Variants in COL4A3 observed in about 807,000 individuals in gnomAD.
COL4A3 encodes collagen type IV alpha 3 chain, also known as collagen alpha-3(IV) chain.
Under a neutral mutation model 217.4 loss-of-function variants are expected in COL4A3, and 135 were observed. The ratio of observed to expected loss-of-function variants is 0.62; its 90% CI spans 0.54 to 0.72. COL4A3 has a LOEUF of 0.72. Among genes scored for constraint, COL4A3 ranks in the 30% least tolerant of loss-of-function variants. The probability of loss-of-function intolerance (pLI) is 0.00; values close to 1 mark genes in which losing one functional copy is unlikely to be tolerated. For missense variants in COL4A3, 1,868 were observed against 2,119.9 expected, an observed-to-expected ratio of 0.88 and a Z score of 2.33; for synonymous variants, 690 against 736.3, an observed-to-expected ratio of 0.94 and a Z score of 1.02.
chr2:227,237,915 G>T, intron 1 of COL4A3, 53 bp from the exon 2 acceptor site: 2 of 1,333,680 alleles, frequency 1.5e-6, no homozygotes, highest in Non-Finnish European at 2.2e-6. Flanking sequence ...CCTGCCGGTT[G>T]GGATTTATTC....
Position 227,298,718 on chromosome 2 carries a change from T to C in COL4A3, c.3788T>C (p.Val1263Ala). 1.9e-6 allele frequency: 3 copies of C among 1,613,996 alleles called. No individual in the cohort carries two copies. In the Admixed American group the frequency reaches 5.0e-5, roughly 27 times the overall value. ...PGPPGPPGSH[V>A]IGIKGDKGSM... ...CCCCCTGGACCTCCAGGGAGTCATG[T>C]AATAGGCATAAAAGGAGACAAAGGG... is the stretch of plus-strand genomic sequence containing the variant. Residue 1263 changes from valine to alanine, a missense_variant, in exon 43 of 52, where the codon GTA becomes GCA. Physicochemically the swap from Val to Ala is moderately conservative, Grantham distance 64 (BLOSUM62 0). Coordinates refer to ENST00000396578, the MANE Select transcript of COL4A3 (RefSeq NM_000091.5).
At chr2:227,260,108 T>C in intron 19 of COL4A3, 1 of 688,216 alleles carries the variant, frequency 1.5e-6, no homozygotes, top group Non-Finnish European at 2.7e-6. Context: ...AACATAAAGT[T>C]CAAATCTGTC....
chr2:227,291,650 T>A (rs2072750890), intron 37 of COL4A3, among the ~76,000 whole-genome samples: 1 of 151,756 alleles, frequency 6.6e-6, no homozygotes, highest in Non-Finnish European at 1.5e-5. Flanking sequence ...TAAAATAACT[T>A]TACAGCATCA....
intron 38 of COL4A3, 194 bp from the exon 39 acceptor site, chr2:227,294,296 T>TTAGA (rs1185320366): frequency 1.6e-6 from 1 of 615,084 alleles, no homozygotes; most frequent in Non-Finnish European, 2.9e-6. Context: ...TTGAAAGTGA[T>TTAGA]TAGACACATC....
rs1464315753 is a variant in COL4A3 at position 227,193,753 on chromosome 2, GA to G, written c.87+28942del. Among the ~76,000 whole-genome samples, 6 of 9,856 alleles carry G rather than the reference GA, an allele frequency of 6.1e-4. 1 individual carries two copies. The highest frequency in any genetic ancestry group is 5.5e-4 in the Non-Finnish European group (2 of 3,640). 6.5% of individuals were successfully genotyped at this position (9,856 alleles called of 152,430 possible). A position where few individuals can be genotyped will look rare whatever the true frequency, so the allele number is the denominator to read the frequency against. Reference sequence around the variant, plus strand: ...GGAAGGAGGGAGGGAGGGAGGGAAGGAAGGAAGGAAGGAAGGAAGGAAGGAA... The same window carrying G: ...GGAAGGAGGGAGGGAGGGAGGGAAGGAGGAAGGAAGGAAGGAAGGAAGGAA... On this transcript the variant is annotated intron_variant, in intron 1 of 51. Coordinates refer to ENST00000396578, the MANE Select transcript of COL4A3 (RefSeq NM_000091.5).
At chr2:227,281,053 G>A (rs1426531179) in intron 31 of COL4A3, 47 bp downstream of exon 31, 6 of 1,142,730 alleles carry the variant, frequency 5.3e-6, no homozygotes, top group South Asian at 3.9e-5. Context: ...CAGGAGACAT[G>A]AGACTCCTGC....
intron 1 of COL4A3, among the ~76,000 whole-genome samples, chr2:227,186,238 A>G (rs1284858289): frequency 6.6e-6 from 1 of 152,234 alleles, no homozygotes; most frequent in Non-Finnish European, 1.5e-5. Context: ...GTTGAATAAG[A>G]TAACGCGCAT....
Position 227,289,159 on chromosome 2 carries a change from G to A in COL4A3, c.2891G>A (p.Gly964Glu). The change falls in exon 35 of 52, where the codon GGA becomes GAA. Residue 964 changes from glycine to glutamate, a missense_variant. Physicochemically the swap from Gly to Glu is moderately conservative, Grantham distance 98. Around this residue, in one of 2 missense-constraint regions of COL4A3, gnomAD observed 1,503 missense variants for 1,786.1 expected, o/e 0.84. Transcript: ENST00000396578. ...KGEPGLKGFA[G>E]NPGEKGNRGV... ...TGGTTTCTAACTTCAGGATTCGCAG[G>A]AAATCCAGGTGAGAAAGGAAACAGA... is the stretch of plus-strand genomic sequence containing the variant. 1 of 1,613,198 alleles carries A rather than the reference G, an allele frequency of 6.2e-7. No homozygotes were observed. Among genetic ancestry groups the A allele is most frequent in the Non-Finnish European group, 8.5e-7 (1 of 1,179,572 alleles).
At chr2:227,247,163 C>G (rs6737064) in intron 7 of COL4A3, among the ~76,000 whole-genome samples, 118,630 of 152,128 alleles carry the variant, frequency 0.78, 46,903 homozygotes, top group East Asian at 0.91. Flanking sequence ...GCCCAGGAAA[C>G]ACCTATTGTA....
rs1378249694 is a variant in COL4A3 at position 227,277,492 on chromosome 2, A to G, written c.2064A>G (p.Pro688=). 7 of 1,612,930 alleles carry G rather than the reference A, an allele frequency of 4.3e-6. No homozygotes were observed. Among genetic ancestry groups the G allele is most frequent in the Non-Finnish European group, 5.1e-6 (6 of 1,179,718 alleles). The change falls in exon 28 of 52, where the codon CCA becomes CCG. Residue 688 remains proline, a synonymous_variant. Coordinates refer to ENST00000396578, the MANE Select transcript of COL4A3 (RefSeq NM_000091.5). Reference sequence around the variant, plus strand: ...GGAAATGTGGAGATCCTGGTCTTCCAGGGCCTGATGGTGAACCAGGAATTC... The same window carrying G: ...GGAAATGTGGAGATCCTGGTCTTCCGGGGCCTGATGGTGAACCAGGAATTC... ...SLGKCGDPGL[P]GPDGEPGIPG...
chr2:227,312,215 CA>C lies in COL4A3; in HGVS notation c.*346del. ...TGAAATATTTGGCCCGCTGGATTCC[CA>C]CATTTGTCTTCTTTCTGTCTTTAAG... is the stretch of plus-strand genomic sequence containing the variant. On this transcript the variant is annotated 3_prime_UTR_variant, in exon 52 of 52. Transcript: ENST00000396578. 1 of 288,576 alleles carries C rather than the reference CA, an allele frequency of 3.5e-6. No individual in the cohort carries two copies. The highest frequency in any genetic ancestry group is 3.3e-5 in the South Asian group (1 of 29,860). The allele number at this position is 288,576 out of a possible 1,614,324, so 17.9% of individuals were successfully genotyped here. A position where few individuals can be genotyped will look rare whatever the true frequency, so the allele number is the denominator to read the frequency against.
rs539765620 is a variant in COL4A3, at chr2:227,259,859, G to A, written c.1096G>A (p.Gly366Arg). Reference protein sequence around the residue: ...EGTPGPPGPRGARGPQGPSGP... With the variant: ...EGTPGPPGPRRARGPQGPSGP... Reference sequence around the variant, plus strand: ...CACTCCAGGCCCACCAGGGCCCAGAGGAGCTCGTGGCCCACAAGGTAAGAA... The same window carrying A: ...CACTCCAGGCCCACCAGGGCCCAGAAGAGCTCGTGGCCCACAAGGTAAGAA... The change falls in exon 19 of 52, where the codon GGA (glycine) becomes AGA (arginine). Residue 366 changes from glycine to arginine, a missense_variant. Gly to Arg is a moderately radical substitution (Grantham distance 125). Transcript: ENST00000396578. 21 of 1,613,312 alleles carry A rather than the reference G, an allele frequency of 1.3e-5. No individual in the cohort carries two copies. In the Admixed American group the frequency reaches 2.3e-4, roughly 18 times the overall value.
chr2:227,260,485 G>A (rs2070486463), intron 19 of COL4A3, among the ~76,000 whole-genome samples: 1 of 152,076 alleles, frequency 6.6e-6, no homozygotes, highest in Admixed American at 6.5e-5. Flanking sequence ...AAAACTCCCT[G>A]GACTAGTCCA....
chr2:227,300,788 G>C (rs1277221755), intron 43 of COL4A3, among the ~76,000 whole-genome samples: 1 of 152,206 alleles, frequency 6.6e-6, no homozygotes, highest in Non-Finnish European at 1.5e-5. Context: ...AATCCAGACT[G>C]TAGAGGGAAG....
Position 227,297,524 on chromosome 2 carries a change from C to A in COL4A3, c.3566-150C>A, listed in dbSNP as rs1002558515. ...TTTTGTAGCTCTATATTGCATTTAC[C>A]AGCAATATATTATAAAATATATATT... On this transcript the variant is annotated intron_variant, in intron 41 of 51. Transcript: ENST00000396578. 32 of 712,232 alleles carry A rather than the reference C, an allele frequency of 4.5e-5. No homozygotes were observed. In the East Asian group the frequency reaches 5.5e-4, roughly 12 times the overall value. 44.1% of individuals were successfully genotyped at this position (712,232 alleles called of 1,614,324 possible).
chr2:227,306,567 G>C (rs777729210), intron 47 of COL4A3, among the ~76,000 whole-genome samples: 39 of 152,118 alleles, frequency 2.6e-4, no homozygotes, highest in Non-Finnish European at 5.9e-5. Context: ...CATCAGACCG[G>C]AGAATTTGGA....
chr2:227,287,172 G>A (rs968009967), intron 34 of COL4A3, among the ~76,000 whole-genome samples: 4 of 152,312 alleles, frequency 2.6e-5, no homozygotes, highest in South Asian at 2.1e-4. Context: ...GGTGGCTCAC[G>A]CCTGTAATCC....
At chr2:227,295,368 G>A (rs771983015) in intron 41 of COL4A3, 52 bp downstream of exon 41, 35 of 1,505,378 alleles carry the variant, frequency 2.3e-5, no homozygotes, top group Non-Finnish European at 3.1e-5. Context: ...AGGAGAGAAA[G>A]CAGTTGAATA....
At chr2:227,229,213 C>A (rs1001349603) in intron 1 of COL4A3, among the ~76,000 whole-genome samples, 1 of 152,026 alleles carries the variant, frequency 6.6e-6, no homozygotes, top group Admixed American at 6.6e-5. Flanking sequence ...CCAATTGATC[C>A]GCACTCCTGG....
Sources: allele counts gnomAD v4.1 joint callset (sites outside exome capture counted in the v4.1 genomes callset), GRCh38; gene constraint gnomAD v4.1.1; regional missense constraint gnomAD v4.1.1; transcripts MANE v1.5; gene names NCBI Gene and HGNC (gene_info 2026-07-23, HGNC 2026-07-21).